Variants in GALM observed in about 807,000 individuals in gnomAD.
The protein encoded by GALM is aldose 1-epimerase.
Under a neutral mutation model 37.4 loss-of-function variants are expected in GALM, and 43 were observed. That is an observed-to-expected ratio of 1.15 (90% confidence interval 0.90 to 1.48). The LOEUF is 1.48. GALM is among the 40% of genes most tolerant of loss of function. The pLI is 0.00. For synonymous variants in GALM, 199 were observed against 170.6 expected, an observed-to-expected ratio of 1.17 and a Z score of -1.30; for missense variants, 456 against 419.1, an observed-to-expected ratio of 1.09 and a Z score of -0.77.
At position 38,733,663 on chromosome 2, in the gene GALM, A is replaced by G. The variant is rs1055497402; in HGVS notation, c.*98A>G. 4.5e-6 allele frequency: 4 copies of G among 896,128 alleles called. No homozygotes were observed. The highest frequency in any genetic ancestry group is 1.3e-5 in the South Asian group (1 of 74,980). The allele number at this position is 896,128 out of a possible 1,614,324, so 55.5% of individuals were successfully genotyped here. On this transcript the variant is annotated 3_prime_UTR_variant, in exon 7 of 7. Transcript: ENST00000272252. ...ATTAAGAAGCTTTCAGAATGATTCT[A>G]TGGATTAAAATCATACAAATGGTGG... is the stretch of plus-strand genomic sequence containing the variant.
chr2:38,671,765 G>C (rs1311273104), intron 1 of GALM, among the ~76,000 whole-genome samples: 1 of 152,168 alleles, frequency 6.6e-6, no homozygotes, highest in Non-Finnish European at 1.5e-5. Context: ...GCCTAGGTGG[G>C]AGGATCACTT....
intron 4 of GALM, among the ~76,000 whole-genome samples, chr2:38,700,670 T>C (rs1291654144): frequency 2.6e-5 from 4 of 152,168 alleles, no homozygotes; most frequent in Non-Finnish European, 5.9e-5. Flanking sequence ...TGTTTTTTAA[T>C]CCATTCAGCC....
rs1666651232 is a variant in GALM, at chr2:38,733,637, G to A, written c.*72G>A. ...GTCTCCTGTCCAGAAAAAAGGTGAA[G>A]ATTAAGAAGCTTTCAGAATGATTCT... On this transcript the variant is annotated 3_prime_UTR_variant, in exon 7 of 7. Coordinates refer to ENST00000272252, the MANE Select transcript of GALM (RefSeq NM_138801.3). 2.8e-6 allele frequency: 3 copies of A among 1,079,996 alleles called. No homozygotes were observed. Among genetic ancestry groups the A allele is most frequent in the Admixed American group, 3.4e-5 (2 of 59,074 alleles). The allele number at this position is 1,079,996 out of a possible 1,614,324, so 66.9% of individuals were successfully genotyped here.
chr2:38,725,575 T>TAA (rs1409446185), intron 4 of GALM, among the ~76,000 whole-genome samples: 1 of 148,994 alleles, frequency 6.7e-6, no homozygotes, highest in Non-Finnish European at 1.5e-5. Flanking sequence ...CGTATATATA[T>TAA]AATTGGGCAT....
intron 1 of GALM, among the ~76,000 whole-genome samples, chr2:38,669,724 T>C (rs1363973436): frequency 1.3e-5 from 2 of 151,906 alleles, no homozygotes; most frequent in African/African-American, 4.8e-5. Context: ...AATACAAAAA[T>C]TAGCTGGGCA....
At chr2:38,668,052 T>C (rs1354799114) in intron 1 of GALM, 2 of 152,238 alleles carry the variant, frequency 1.3e-5, no homozygotes, top group Non-Finnish European at 2.9e-5. Flanking sequence ...CCAATCATAT[T>C]TCTACATGGC....
At position 38,731,867 on chromosome 2, in the gene GALM, T is replaced by C; in HGVS notation, c.909T>C (p.Gly303=). The C allele has an allele frequency of 4.3e-6, 7 of 1,614,164 alleles. No homozygotes were observed. The highest frequency in any genetic ancestry group is 5.9e-6 in the Non-Finnish European group (7 of 1,180,028). Residue 303 remains glycine (G), a synonymous_variant, in exon 6 of 7, where the codon GGT becomes GGC. Transcript: ENST00000272252. ...KNGAVYPKHS[G]FCLETQNWPD... is the part of the protein sequence containing the mutation. Reference sequence around the variant, plus strand: ...GAGCTGTCTATCCCAAGCACTCCGGTTTCTGCCTGGAGACTCAGAACTGGC... The same window carrying C: ...GAGCTGTCTATCCCAAGCACTCCGGCTTCTGCCTGGAGACTCAGAACTGGC...
At chr2:38,692,772 T>C (rs571032446) in intron 4 of GALM, among the ~76,000 whole-genome samples, 1 of 152,272 alleles carries the variant, frequency 6.6e-6, no homozygotes, top group Non-Finnish European at 1.5e-5. Context: ...TGAGGGGGCT[T>C]CCAGATAGAG....
At chr2:38,698,566 G>T (rs13413726) in intron 4 of GALM, 144,228 of 371,958 alleles carry the variant, frequency 0.39, 30,106 homozygotes, top group Non-Finnish European at 0.43. Context: ...CTGCTCCATA[G>T]GATGGGAGCA....
intron 1 of GALM, 117 bp downstream of exon 1, chr2:38,666,468 G>C (rs556220255): frequency 2.7e-6 from 2 of 748,202 alleles, no homozygotes; most frequent in South Asian, 3.8e-5. Context: ...CCTAGCTTGG[G>C]ACCGTCTGAC....
intron 3 of GALM, among the ~76,000 whole-genome samples, chr2:38,684,452 C>T (rs1428654252): frequency 2.6e-5 from 4 of 152,168 alleles, no homozygotes; most frequent in South Asian, 2.1e-4. Flanking sequence ...GTGGGAGCAT[C>T]ACTGGAGCCC....
At chr2:38,723,297 A>G (rs1449552685) in intron 4 of GALM, among the ~76,000 whole-genome samples, 1 of 152,086 alleles carries the variant, frequency 6.6e-6, no homozygotes. Context: ...CCAAGAATTG[A>G]TTTTTCTGCA....
At position 38,733,169 on chromosome 2, in the gene GALM, T is replaced by C. The variant is rs145863548; in HGVS notation, c.952-319T>C. Among the ~76,000 whole-genome samples the C allele has an allele frequency of 9.3e-3, 1,348 of 144,280 alleles. 24 individuals are homozygous for C. Among genetic ancestry groups the C allele is most frequent in the African/African-American group, 0.034 (1,295 of 38,496 alleles). 94.7% of individuals were successfully genotyped at this position (144,280 alleles called of 152,430 possible). ...CCAGGAAGCGGGGTTTGCAGTGAGC[T>C]GAGATCGCCCCACTGCACTCCAGCC... On this transcript the variant is annotated intron_variant, in intron 6 of 6. Transcript: ENST00000272252.
intron 1 of GALM, among the ~76,000 whole-genome samples, chr2:38,674,705 T>A (rs1432441699): frequency 6.6e-6 from 1 of 152,132 alleles, no homozygotes; most frequent in Non-Finnish European, 1.5e-5. Context: ...AGAGAAAGAA[T>A]AAGATCGCTT....
rs1013356405 is a variant in GALM, at chr2:38,691,004, T to C, written c.634+1110T>C. On this transcript the variant is annotated intron_variant, in intron 4 of 6. Transcript: ENST00000272252. ...CTTTTCTGTTTGTCTTGGTAGCATGTGTCATCTTGTGATATTTACATGACT... is the reference window on the plus strand; with the variant it reads ...CTTTTCTGTTTGTCTTGGTAGCATGCGTCATCTTGTGATATTTACATGACT... Among the ~76,000 whole-genome samples the C allele has an allele frequency of 2.6e-5, 4 of 152,358 alleles. No individual in the cohort carries two copies. The South Asian group carries it at 6.2e-4, about 24-fold the overall frequency.
intron 4 of GALM, among the ~76,000 whole-genome samples, chr2:38,705,872 C>T (rs1399940012): frequency 1.3e-5 from 2 of 152,134 alleles, no homozygotes; most frequent in East Asian, 3.9e-4. Flanking sequence ...GAGTCTTGTG[C>T]TGTCGCCCAG....
intron 3 of GALM, among the ~76,000 whole-genome samples, chr2:38,685,974 A>G (rs888957018): frequency 2.0e-5 from 3 of 151,972 alleles, no homozygotes; most frequent in African/African-American, 7.3e-5. Context: ...CGGCCTCCCA[A>G]ACTTCTGGGA....
At chr2:38,703,719 T>C (rs186071238) in intron 4 of GALM, among the ~76,000 whole-genome samples, 61 of 152,186 alleles carry the variant, frequency 4.0e-4, no homozygotes, top group Non-Finnish European at 7.8e-4. Context: ...TTAAATTCTA[T>C]ATAAAATCCA....
rs1164430892 is a variant in GALM at position 38,719,352 on chromosome 2, C to T, written c.635-10204C>T. On this transcript the variant is annotated intron_variant, in intron 4 of 6. Transcript: ENST00000272252. The stretch of plus-strand genomic sequence containing the variant: ...AGGCGTGGTGGCAGGTGCCTGTAAT[C>T]CCAGCTACTCGGGAGGCTGAGGCAA... Among the ~76,000 whole-genome samples, 8 of 151,560 alleles carry T rather than the reference C, an allele frequency of 5.3e-5. 1 individual carries two copies. The highest frequency in any genetic ancestry group is 1.9e-4 in the African/African-American group (8 of 41,290).
Sources: gnomAD v4.1 joint callset for allele counts (sites outside exome capture counted in the v4.1 genomes callset) on GRCh38, gnomAD v4.1.1 for gene constraint, MANE v1.5 for transcripts, NCBI Gene and HGNC (gene_info 2026-07-23, HGNC 2026-07-21) for gene names.